Variants in ZNF215 observed in about 807,000 individuals in gnomAD.
ZNF215 encodes the protein BWSCR2-associated zinc finger protein 2.
Under a neutral mutation model 27.2 loss-of-function variants are expected in ZNF215, and 24 were observed. The observed-to-expected ratio is 0.88, with a 90% confidence interval of 0.64 to 1.24. The LOEUF (loss-of-function observed/expected upper bound fraction) is 1.24. Ranked by LOEUF, ZNF215 falls within the 50% of genes most tolerant of loss-of-function variation. The pLI is 0.00. For missense variants in ZNF215, 675 were observed against 605.7 expected, an observed-to-expected ratio of 1.11 and a Z score of -1.20; for synonymous variants, 210 against 204.0, an observed-to-expected ratio of 1.03 and a Z score of -0.25.
chr11:6,971,440 A>G lies in ZNF215; in HGVS notation c.806-12689A>G, dbSNP rs148766116. Among the ~76,000 whole-genome samples the G allele has an allele frequency of 2.5e-3, 378 of 152,248 alleles. 2 individuals carry two copies. The highest frequency in any genetic ancestry group is 7.9e-3 in the African/African-American group (330 of 41,556). On this transcript the variant is annotated intron_variant, in intron 5 of 5. Transcript: ENST00000529903. Reference sequence around the variant, plus strand: ...GCAGTTTGTTAATGCCTTCTCCTCTATCTCCCTGAAGACAGCAATAAATTT... The same window carrying G: ...GCAGTTTGTTAATGCCTTCTCCTCTGTCTCCCTGAAGACAGCAATAAATTT...
At chr11:6,966,738 T>C (rs987830077) in intron 5 of ZNF215, among the ~76,000 whole-genome samples, 3 of 152,018 alleles carry the variant, frequency 2.0e-5, no homozygotes, top group African/African-American at 7.2e-5. Context: ...TTCCTTCTGC[T>C]TGATTTGGGT....
intron 5 of ZNF215, among the ~76,000 whole-genome samples, chr11:6,965,548 A>G (rs952233892): frequency 6.6e-6 from 1 of 152,168 alleles, no homozygotes; most frequent in African/African-American, 2.4e-5. Context: ...GTCTTGCAAT[A>G]TGTAAACATG....
chr11:6,977,458 T>C (rs890191576), intron 5 of ZNF215, among the ~76,000 whole-genome samples: 1 of 152,008 alleles, frequency 6.6e-6, no homozygotes, highest in African/African-American at 2.4e-5. Context: ...ACTGGGGGTG[T>C]TGGAATGCAT....
intron 3 of ZNF215, among the ~76,000 whole-genome samples, chr11:6,940,964 G>A (rs1849613771): frequency 6.6e-6 from 1 of 152,136 alleles, no homozygotes; most frequent in South Asian, 2.1e-4. Flanking sequence ...TGACACTTGA[G>A]GATCACTGAT....
intron 5 of ZNF215, among the ~76,000 whole-genome samples, chr11:6,971,642 G>A (rs1224821445): frequency 6.6e-6 from 1 of 152,150 alleles, no homozygotes; most frequent in Non-Finnish European, 1.5e-5. Flanking sequence ...GAAGAAAAGT[G>A]AGAATTATTA....
intron 5 of ZNF215, among the ~76,000 whole-genome samples, chr11:6,974,932 G>T (rs1850799592): frequency 6.8e-6 from 1 of 146,126 alleles, no homozygotes; most frequent in Non-Finnish European, 1.5e-5. Context: ...ACACTATGTT[G>T]AATAGGAGTG....
chr11:6,955,750 A>T lies in ZNF215; in HGVS notation c.773A>T (p.Glu258Val), dbSNP rs1265897034. ...GGAGTGATTATGACAAGGCTTACCG[A>T]AAGTGGACACCCTTCTTCAGATGCC... ...SHGVIMTRLT[E>V]SGHPSSDAWK... Residue 258 changes from glutamate (E) to valine (V), a missense_variant, in exon 7 of 7, where the codon GAA (glutamate) becomes GTA (valine). Transcript: ENST00000278319. 1 of 1,606,222 alleles carries T rather than the reference A, an allele frequency of 6.2e-7. No individual in the cohort carries two copies. Among genetic ancestry groups the T allele is most frequent in the Admixed American group, 1.7e-5 (1 of 58,070 alleles).
intron 6 of ZNF215, among the ~76,000 whole-genome samples, chr11:6,945,832 A>C (rs1849795709): frequency 6.6e-6 from 1 of 152,202 alleles, no homozygotes; most frequent in Admixed American, 6.5e-5. Flanking sequence ...CTAAAACTTA[A>C]ATTATTTCAC....
intron 5 of ZNF215, among the ~76,000 whole-genome samples, chr11:6,967,088 G>C (rs1850636705): frequency 6.6e-6 from 1 of 152,012 alleles, no homozygotes; most frequent in South Asian, 2.1e-4. Flanking sequence ...GTGTTAGTTT[G>C]CTGAGAATGA....
downstream of ZNF215, among the ~76,000 whole-genome samples, chr11:6,992,436 T>C (rs949795333): frequency 9.2e-5 from 14 of 152,212 alleles, no homozygotes; most frequent in Non-Finnish European, 5.9e-5. Context: ...CAACCATCAA[T>C]AGGATAAACA....
downstream of ZNF215, chr11:6,988,488 T>A (rs1177534082): frequency 6.4e-6 from 1 of 155,364 alleles, no homozygotes; most frequent in Non-Finnish European, 1.4e-5. Context: ...CAGCTTTCTA[T>A]CCAGGCACCA....
chr11:6,970,157 A>C (rs1850693729), intron 5 of ZNF215, among the ~76,000 whole-genome samples: 1 of 152,214 alleles, frequency 6.6e-6, no homozygotes, highest in African/African-American at 2.4e-5. Context: ...AATCTATTCA[A>C]GCTTCTAGGT....
rs1229427633 is a variant in ZNF215, at chr11:6,957,030, A to G, written c.*499A>G. 1 of 986,684 alleles carries G rather than the reference A, an allele frequency of 1.0e-6. No homozygotes were observed. Among genetic ancestry groups the G allele is most frequent in the East Asian group, 1.1e-4 (1 of 8,838 alleles). 61.1% of individuals were successfully genotyped at this position (986,684 alleles called of 1,614,324 possible). ...CTGAATCAATGGCTAAGACAACAGT[A>G]ACAGCCATTTACTCCACTCCTGACA... On this transcript the variant is annotated 3_prime_UTR_variant, in exon 7 of 7. Transcript: ENST00000278319.
At position 6,928,350 on chromosome 11, in the gene ZNF215, A is replaced by G. The variant is rs1448656960; in HGVS notation, c.-180+543A>G. On this transcript the variant is annotated intron_variant, in intron 2 of 6. Coordinates refer to ENST00000278319, the MANE Select transcript of ZNF215 (RefSeq NM_013250.4). ...GAAAGTTACCTAATATCCCATTTCT[A>G]TTGTATCACTGTTGACTTCATTTCT... Among the ~76,000 whole-genome samples, 3 of 152,208 alleles carry G rather than the reference A, an allele frequency of 2.0e-5. No homozygotes were observed. The East Asian group carries it at 5.8e-4, about 29-fold the overall frequency.
At chr11:6,973,348 A>C (rs975814326) in intron 5 of ZNF215, among the ~76,000 whole-genome samples, 1 of 152,200 alleles carries the variant, frequency 6.6e-6, no homozygotes, top group African/African-American at 2.4e-5. Context: ...ATAGTGCCAC[A>C]ATAAACATAC....
downstream of ZNF215, among the ~76,000 whole-genome samples, chr11:6,993,810 C>T (rs190030622): frequency 5.9e-5 from 9 of 152,300 alleles, no homozygotes; most frequent in African/African-American, 2.2e-4. Flanking sequence ...CAAATCAATA[C>T]TTGTAGCACT....
downstream of ZNF215, among the ~76,000 whole-genome samples, chr11:6,984,869 C>T (rs890006746): frequency 1.3e-5 from 2 of 151,996 alleles, no homozygotes; most frequent in African/African-American, 4.8e-5. Context: ...AAAAAGAGAA[C>T]AGACCAGTAA....
chr11:6,949,217 A>T (rs1465952215), intron 6 of ZNF215, among the ~76,000 whole-genome samples: 1 of 152,046 alleles, frequency 6.6e-6, no homozygotes. Context: ...ATACGTGTGC[A>T]TGTGTCTTTA....
intron 6 of ZNF215, among the ~76,000 whole-genome samples, chr11:6,949,415 T>C (rs1246635922): frequency 6.6e-6 from 1 of 151,956 alleles, no homozygotes; most frequent in Non-Finnish European, 1.5e-5. Flanking sequence ...CACCTGTTGT[T>C]TCCTGACTTT....
Sources: gnomAD v4.1 joint callset for allele counts (sites outside exome capture counted in the v4.1 genomes callset) on GRCh38, gnomAD v4.1.1 for gene constraint, MANE v1.5 for transcripts, NCBI Gene and HGNC (gene_info 2026-07-23, HGNC 2026-07-21) for gene names.